Variants in FRAS1 observed in about 807,000 individuals in gnomAD.
FRAS1 encodes the protein extracellular matrix organizing protein FRAS1.
FRAS1 carries 290 observed loss-of-function variants against 435.2 expected under a neutral mutation model. The ratio of observed to expected loss-of-function variants is 0.67; its 90% CI spans 0.61 to 0.73. The LOEUF (loss-of-function observed/expected upper bound fraction) is 0.73, where lower values mean the gene tolerates loss of function less well. Ranked by LOEUF, FRAS1 falls within the 30% of genes least tolerant of loss-of-function variation. FRAS1 has a pLI of 0.00. For missense variants in FRAS1, 4,860 were observed against 5,001.5 expected (o/e 0.97, Z 0.85); for synonymous variants, 1,800 against 1,851.0 (o/e 0.97, Z 0.71).
intron 9 of FRAS1, among the ~76,000 whole-genome samples, chr4:78,269,169 G>A (rs1726523483): frequency 6.6e-6 from 1 of 152,054 alleles, no homozygotes; most frequent in Non-Finnish European, 1.5e-5. Context: ...TCCTAACTTC[G>A]GCTTAGCTTG....
At chr4:78,126,872 T>G (rs1282450069) in intron 2 of FRAS1, among the ~76,000 whole-genome samples, 1 of 152,202 alleles carries the variant, frequency 6.6e-6, no homozygotes, top group East Asian at 1.9e-4. Flanking sequence ...TAGTCAGTTT[T>G]TGTTCCAATT....
rs533813959 is a variant in FRAS1 at position 78,379,284 on chromosome 4, G to A, written c.3293-442G>A. 1.8e-5 allele frequency: 3 copies of A among 166,654 alleles called. No individual in the cohort carries two copies. In the East Asian group the frequency reaches 5.5e-4, roughly 30 times the overall value. 10.3% of individuals were successfully genotyped at this position (166,654 alleles called of 1,614,324 possible). ...AAAGATAGGTACTGGTTTGGAATTA[G>A]GAATTGTTTTCTCACCTAAGCTTCT... On this transcript the variant is annotated intron_variant, in intron 26 of 73. Coordinates refer to ENST00000512123, the MANE Select transcript of FRAS1 (RefSeq NM_025074.7).
At chr4:78,076,378 C>G (rs1740641202) in intron 2 of FRAS1, among the ~76,000 whole-genome samples, 1 of 152,124 alleles carries the variant, frequency 6.6e-6, no homozygotes, top group Non-Finnish European at 1.5e-5. Context: ...GTGATGTAAT[C>G]TTTTTTCTTC....
chr4:78,169,690 T>C (rs1721473311), intron 2 of FRAS1, among the ~76,000 whole-genome samples: 1 of 152,174 alleles, frequency 6.6e-6, no homozygotes, highest in South Asian at 2.1e-4. Flanking sequence ...ATCTTGACCA[T>C]TGCTACTTAA....
chr4:78,254,579 A>C (rs1215282463), intron 5 of FRAS1, among the ~76,000 whole-genome samples: 5 of 152,090 alleles, frequency 3.3e-5, no homozygotes, highest in Non-Finnish European at 7.4e-5. Context: ...AGGTTGTCTG[A>C]GTTTGTGGGA....
chr4:78,258,914 T>A (rs11930289), intron 6 of FRAS1, among the ~76,000 whole-genome samples: 97,268 of 104,100 alleles, frequency 0.93, 45,789 homozygotes, highest in Non-Finnish European at 1. Context: ...TGTCCATGTG[T>A]TCTCATTGTT....
intron 2 of FRAS1, among the ~76,000 whole-genome samples, chr4:78,179,586 G>T (rs975097885): frequency 6.6e-6 from 1 of 152,166 alleles, no homozygotes; most frequent in Non-Finnish European, 1.5e-5. Context: ...TGAATGTGTT[G>T]TTTGTACAGA....
chr4:78,366,757 G>C (rs1731289224), intron 22 of FRAS1, among the ~76,000 whole-genome samples: 1 of 152,128 alleles, frequency 6.6e-6, no homozygotes, highest in Non-Finnish European at 1.5e-5. Context: ...TGACCTCAGA[G>C]AACTGCCCCT....
intron 31 of FRAS1, among the ~76,000 whole-genome samples, chr4:78,412,560 AGT>A (rs2110359513): frequency 6.6e-6 from 1 of 152,354 alleles, no homozygotes; most frequent in East Asian, 1.9e-4. Context: ...GACATTATAT[AGT>A]TCTCAAAAAT....
At chr4:78,213,915 T>C (rs1257294536) in intron 2 of FRAS1, among the ~76,000 whole-genome samples, 1 of 152,206 alleles carries the variant, frequency 6.6e-6, no homozygotes, top group Non-Finnish European at 1.5e-5. Flanking sequence ...GAAACACTCA[T>C]GTGTATAATT....
chr4:78,519,458 A>G lies in FRAS1; in HGVS notation c.10517A>G (p.Tyr3506Cys). 5 of 1,611,634 alleles carry G rather than the reference A, an allele frequency of 3.1e-6. No individual in the cohort carries two copies. The highest frequency in any genetic ancestry group is 2.2e-5 in the East Asian group (1 of 44,754). ...ACCGAGATGGAGTTTTCTTTCTTCT[A>G]TGACACTGTTCTCTGGAGAACAGGT... ...HHTEMEFSFF[Y>C]DTVLWRTGIQ... The change falls in exon 67 of 74, where the codon TAT becomes TGT. Residue 3506 changes from tyrosine to cysteine, a missense_variant. Tyr to Cys is a radical substitution (Grantham distance 194). Transcript: ENST00000512123.
At chr4:78,232,567 G>C (rs1413902354) in intron 2 of FRAS1, among the ~76,000 whole-genome samples, 1 of 152,214 alleles carries the variant, frequency 6.6e-6, no homozygotes, top group Non-Finnish European at 1.5e-5. Flanking sequence ...TTACAGGCGT[G>C]AGCCACCGTG....
chr4:78,149,273 C>A (rs997453997), intron 2 of FRAS1, among the ~76,000 whole-genome samples: 5 of 152,166 alleles, frequency 3.3e-5, no homozygotes, highest in African/African-American at 4.8e-5. Flanking sequence ...TAATATCTGA[C>A]TTTTGTGTGT....
At chr4:78,478,736 T>C (rs866348028) in intron 55 of FRAS1, among the ~76,000 whole-genome samples, 14 of 152,214 alleles carry the variant, frequency 9.2e-5, no homozygotes, top group African/African-American at 3.1e-4. Flanking sequence ...CTTTCTTGAA[T>C]CTGCTGACTG....
Position 78,430,400 on chromosome 4 carries a change from G to A in FRAS1, c.4952G>A (p.Arg1651Gln), listed in dbSNP as rs377123833. 110 of 1,613,112 alleles carry A rather than the reference G, an allele frequency of 6.8e-5. No individual in the cohort carries two copies. Among genetic ancestry groups the A allele is most frequent in the African/African-American group, 1.7e-4 (13 of 74,986 alleles). ...CTTCTTAAGCATACAGCTGAGTTCC[G>A]AAGGCCGATGGCCACAGGTAGCTAC... ...GVLLKHTAEF[R>Q]RPMATGDTFT... The change falls in exon 37 of 74, where the codon CGA (arginine) becomes CAA (glutamine). Residue 1651 changes from arginine (R) to glutamine (Q), a missense_variant. Transcript: ENST00000512123.
chr4:78,513,826 G>C (rs1037871525), intron 65 of FRAS1, among the ~76,000 whole-genome samples: 9 of 152,158 alleles, frequency 5.9e-5, no homozygotes, highest in Admixed American at 5.9e-4. Context: ...TATAAAGTGG[G>C]AATAACAATT....
intron 41 of FRAS1, 53 bp from the exon 42 acceptor site, chr4:78,445,469 G>T: frequency 6.8e-7 from 1 of 1,465,632 alleles, no homozygotes; most frequent in South Asian, 1.6e-5. Context: ...GTTCAGCCTA[G>T]TAAGCAGGAA....
chr4:78,264,905 G>A, intron 6 of FRAS1, 120 bp from the exon 7 acceptor site: 1 of 708,104 alleles, frequency 1.4e-6, no homozygotes, highest in Non-Finnish European at 2.6e-6. Context: ...TAAATGAGAG[G>A]CAAGTGCTGT....
chr4:78,330,253 C>G (rs976056596), intron 18 of FRAS1, among the ~76,000 whole-genome samples: 2 of 152,172 alleles, frequency 1.3e-5, no homozygotes, highest in African/African-American at 4.8e-5. Flanking sequence ...CCAATCAATA[C>G]CCTTGTGATT....
Sources: allele counts gnomAD v4.1 joint callset (sites outside exome capture counted in the v4.1 genomes callset), GRCh38; gene constraint gnomAD v4.1.1; transcripts MANE v1.5; gene names NCBI Gene and HGNC (gene_info 2026-07-23, HGNC 2026-07-21).